The following C8orf74 variants were observed in gnomAD, a reference collection of about 807,000 sequenced individuals.
The protein encoded by C8orf74 is chromosome 8 open reading frame 74.
A neutral mutation model predicts 22.2 loss-of-function variants in C8orf74; 29 were observed. That is an observed-to-expected ratio of 1.31 (90% CI 0.97 to 1.78). The LOEUF (loss-of-function observed/expected upper bound fraction) is 1.78, where lower values mean the gene tolerates loss of function less well. C8orf74 is among the 40% of genes most tolerant of loss of function. The probability of loss-of-function intolerance (pLI) is 0.00; values close to 1 mark genes in which losing one functional copy is unlikely to be tolerated. For missense variants in C8orf74, 515 were observed against 369.9 expected, an observed-to-expected ratio of 1.39 and a Z score of -3.22; for synonymous variants, 255 against 163.1, an observed-to-expected ratio of 1.56 and a Z score of -4.30.
At chr8:10,676,440 A>G (rs557144003) in intron 2 of C8orf74, among the ~76,000 whole-genome samples, 1 of 152,108 alleles carries the variant, frequency 6.6e-6, no homozygotes, top group Non-Finnish European at 1.5e-5. Flanking sequence ...CTGCTTTCAA[A>G]TCTTGCATTC....
At chr8:10,687,341 T>C in intron 2 of C8orf74, 1 of 313,586 alleles carries the variant, frequency 3.2e-6, no homozygotes, top group East Asian at 8.8e-5. Context: ...ATTAAAAGTC[T>C]TGCATAATAG....
intron 2 of C8orf74, chr8:10,689,873 G>C (rs972479546): frequency 9.9e-5 from 15 of 152,188 alleles, no homozygotes; most frequent in African/African-American, 3.1e-4. Flanking sequence ...CGGAGGGGGA[G>C]GAAGAGGAGG....
At chr8:10,684,282 G>C (rs1799215784) in intron 2 of C8orf74, among the ~76,000 whole-genome samples, 1 of 152,222 alleles carries the variant, frequency 6.6e-6, no homozygotes, top group African/African-American at 2.4e-5. Context: ...TCTGGCTGCA[G>C]AGCCTGTCCC....
At chr8:10,674,618 C>T (rs902786442) in intron 1 of C8orf74, 28 bp from the exon 2 acceptor site, 2 of 1,573,678 alleles carry the variant, frequency 1.3e-6, no homozygotes, top group Non-Finnish European at 1.7e-6. Flanking sequence ...CACATCATAC[C>T]CTGCAGTTCC....
intron 2 of C8orf74, chr8:10,691,200 A>T (rs779375058): frequency 2.1e-5 from 7 of 339,662 alleles, no homozygotes; most frequent in Non-Finnish European, 4.1e-5. Context: ...TTGACCCAGG[A>T]CAAGGTCTAC....
intron 2 of C8orf74, among the ~76,000 whole-genome samples, chr8:10,690,411 G>A (rs1799351712): frequency 6.6e-6 from 1 of 152,142 alleles, no homozygotes; most frequent in Non-Finnish European, 1.5e-5. Context: ...GGGGCAGGGG[G>A]CAATGCGGCG....
chr8:10,697,949 C>G lies in C8orf74; in HGVS notation c.592C>G (p.Gln198Glu). Reference protein sequence around the residue: ...ALRLERENSLQKAFAAAAPAQ... With the variant: ...ALRLERENSLEKAFAAAAPAQ... ...GCGCCTGGAGCGGGAGAACTCGCTGCAGAAGGCGTTCGCTGCCGCCGCGCC... is the reference window on the plus strand; with the variant it reads ...GCGCCTGGAGCGGGAGAACTCGCTGGAGAAGGCGTTCGCTGCCGCCGCGCC... The change falls in exon 3 of 4, where the codon CAG (glutamine) becomes GAG (glutamate). Residue 198 changes from glutamine to glutamate, a missense_variant. Transcript: ENST00000304519. The G allele has an allele frequency of 6.4e-7, 1 of 1,565,768 alleles. No homozygotes were observed. Among genetic ancestry groups the G allele is most frequent in the Non-Finnish European group, 8.6e-7 (1 of 1,157,502 alleles).
chr8:10,689,995 G>T (rs112010077), intron 2 of C8orf74, among the ~76,000 whole-genome samples: 331 of 152,220 alleles, frequency 2.2e-3, no homozygotes, highest in African/African-American at 7.6e-3. Flanking sequence ...CTCCTTCCTC[G>T]TGCAGTTCCA....
rs571981578 is a variant in C8orf74, at chr8:10,694,510, T to C, written c.242-3089T>C. On this transcript the variant is annotated intron_variant, in intron 2 of 3. Transcript: ENST00000304519. ...AAGAAGGAGGGTATGGTAATCCACA[T>C]GTTGCAAGAGAAAAGGAGCAGGTGG... Among the ~76,000 whole-genome samples the C allele has an allele frequency of 2.0e-5, 3 of 152,270 alleles. No homozygotes were observed. The East Asian group carries it at 5.8e-4, about 29-fold the overall frequency.
Position 10,697,937 on chromosome 8 carries a change from G to A in C8orf74, c.580G>A (p.Glu194Lys). ...GAAAGAGGCGCTGCGCCTGGAGCGG[G>A]AGAACTCGCTGCAGAAGGCGTTCGC... ...LLKEALRLER[E>K]NSLQKAFAAA... The change falls in exon 3 of 4, where the codon GAG (glutamate) becomes AAG (lysine). Residue 194 changes from glutamate to lysine, a missense_variant. Glu to Lys is a moderately conservative substitution (Grantham distance 56). Coordinates refer to ENST00000304519, the MANE Select transcript of C8orf74 (RefSeq NM_001040032.2). 6.3e-7 allele frequency: 1 copy of A among 1,583,700 alleles called. No homozygotes were observed. The highest frequency in any genetic ancestry group is 8.6e-7 in the Non-Finnish European group (1 of 1,165,624).
intron 2 of C8orf74, among the ~76,000 whole-genome samples, chr8:10,679,351 A>G (rs1799099559): frequency 6.6e-6 from 1 of 152,154 alleles, no homozygotes; most frequent in Admixed American, 6.5e-5. Flanking sequence ...CCGCCCGGAC[A>G]GCAGCGGCCT....
intron 2 of C8orf74, among the ~76,000 whole-genome samples, chr8:10,680,390 C>A (rs983477857): frequency 6.6e-6 from 1 of 152,248 alleles, no homozygotes; most frequent in African/African-American, 2.4e-5. Flanking sequence ...AGCAGGATGA[C>A]CAGCACATAG....
intron 2 of C8orf74, among the ~76,000 whole-genome samples, chr8:10,683,872 C>G (rs1458881017): frequency 6.6e-6 from 1 of 152,220 alleles, no homozygotes; most frequent in African/African-American, 2.4e-5. Flanking sequence ...GCCGGTGCTT[C>G]TGGACAATTC....
chr8:10,679,406 C>T (rs1022991845), intron 2 of C8orf74, among the ~76,000 whole-genome samples: 1 of 152,178 alleles, frequency 6.6e-6, no homozygotes, highest in Non-Finnish European at 1.5e-5. Context: ...GCCTTTCCTC[C>T]CTCGGCTTTG....
intron 2 of C8orf74, chr8:10,675,986 T>C (rs952688857): frequency 6.6e-6 from 1 of 152,146 alleles, no homozygotes. Context: ...GGTAGTGACA[T>C]GTTCAGGGTG....
Position 10,697,754 on chromosome 8 carries a change from C to A in C8orf74, c.397C>A (p.Gln133Lys), listed in dbSNP as rs766237463. 6.8e-6 allele frequency: 11 copies of A among 1,613,968 alleles called. No homozygotes were observed. Among genetic ancestry groups the A allele is most frequent in the Admixed American group, 3.3e-5 (2 of 60,012 alleles). The change falls in exon 3 of 4, where the codon CAG becomes AAG. Residue 133 changes from glutamine to lysine, a missense_variant. Coordinates refer to ENST00000304519, the MANE Select transcript of C8orf74 (RefSeq NM_001040032.2). ...CTACCAGTATGTCCTGGGCCAGGAC[C>A]AGCAGGTCGACCTGACCGTTGCCCA... The part of the protein sequence containing the change: ...KLYQYVLGQD[Q>K]QVDLTVAHLE...
Position 10,686,636 on chromosome 8 carries a change from T to C in C8orf74, c.242-10963T>C, listed in dbSNP as rs542672838. ...CTTAGAAGCTAAGCAGAGTCGGACA[T>C]GGTTAGTACTTGGATGGGAGACCGC... On this transcript the variant is annotated intron_variant, in intron 2 of 3. Transcript: ENST00000304519. 236 of 155,978 alleles carry C rather than the reference T, an allele frequency of 1.5e-3. 1 individual carries two copies. Among genetic ancestry groups the C allele is most frequent in the Non-Finnish European group, 2.3e-3 (160 of 70,014 alleles). The allele number at this position is 155,978 out of a possible 1,614,324, so 9.7% of individuals were successfully genotyped here.
chr8:10,700,130 GA>G, intron 3 of C8orf74, 104 bp from the exon 4 acceptor site: 1 of 725,546 alleles, frequency 1.4e-6, no homozygotes, highest in Admixed American at 2.9e-5. Flanking sequence ...GGGTGAGACG[GA>G]TGGACAGTGG....
chr8:10,688,308 A>G (rs1446236563), intron 2 of C8orf74: 1 of 152,222 alleles, frequency 6.6e-6, no homozygotes, highest in East Asian at 1.9e-4. Context: ...TTCTAACATC[A>G]TAGTTGGGCC....
Sources: allele counts gnomAD v4.1 joint callset (sites outside exome capture counted in the v4.1 genomes callset), GRCh38; gene constraint gnomAD v4.1.1; transcripts MANE v1.5; gene names NCBI Gene and HGNC (gene_info 2026-07-23, HGNC 2026-07-21).